Variants in GCM1 observed in about 807,000 individuals in gnomAD.
GCM1 encodes GCM transcription factor 1.
GCM1 carries 2 observed loss-of-function variants against 25.7 expected under a neutral mutation model. The observed-to-expected ratio is 0.08, with a 90% CI of 0.03 to 0.24. The LOEUF (loss-of-function observed/expected upper bound fraction) is 0.24, where lower values mean the gene tolerates loss of function less well. Among genes scored for constraint, GCM1 ranks in the 10% least tolerant of loss-of-function variants. The probability of loss-of-function intolerance (pLI) is 1.00; values close to 1 mark genes in which losing one functional copy is unlikely to be tolerated. For synonymous variants in GCM1, 183 were observed against 195.7 expected (o/e 0.94, Z 0.54); for missense variants, 395 against 538.7 (o/e 0.73, Z 2.64).
At chr6:53,136,830 G>T (rs913595968) in intron 2 of GCM1, among the ~76,000 whole-genome samples, 3 of 152,096 alleles carry the variant, frequency 2.0e-5, no homozygotes, top group Non-Finnish European at 2.9e-5. Context: ...CAAAAAATTA[G>T]CCAGGTGTGG....
Position 53,128,490 on chromosome 6 carries a change from A to T in GCM1, c.1027T>A (p.Leu343Met). Residue 343 changes from leucine to methionine, a missense_variant, in exon 6 of 6, where the codon TTG becomes ATG. Coordinates refer to ENST00000259803, the MANE Select transcript of GCM1 (RefSeq NM_003643.4). ...CCAGTTTTGGCTGCAGGTGGCTCCA[A>T]TGGAAGCTGCTGGTAAAAGGGTTCT... is the stretch of plus-strand genomic sequence containing the variant. ...SSEPFYQQLP[L>M]EPPAAKTGCP... 1 of 1,614,180 alleles carries T rather than the reference A, an allele frequency of 6.2e-7. No individual in the cohort carries two copies. Among genetic ancestry groups the T allele is most frequent in the Non-Finnish European group, 8.5e-7 (1 of 1,179,998 alleles).
rs529895409 is a variant in GCM1 at position 53,130,310 on chromosome 6, A to G, written c.570+493T>C. Among the ~76,000 whole-genome samples, 10 of 152,270 alleles carry G rather than the reference A, an allele frequency of 6.6e-5. No homozygotes were observed. The East Asian group carries it at 1.5e-3, about 23-fold the overall frequency. On this transcript the variant is annotated intron_variant, in intron 5 of 5. Transcript: ENST00000259803. ...GTGGACTTCACATCACAGTTTGTCT[A>G]TAGGGAGTAGCCTCCACTCCACTAT... is the stretch of plus-strand genomic sequence containing the variant.
intron 5 of GCM1, among the ~76,000 whole-genome samples, chr6:53,129,325 A>G (rs1461825876): frequency 1.4e-5 from 2 of 147,598 alleles, no homozygotes; most frequent in Admixed American, 6.9e-5. Context: ...GCCAGGCTGG[A>G]GCGCAGTGGC....
In GCM1 at chr6:53,128,481, G is replaced by T. The variant is rs1763677058; in HGVS notation, c.1036C>A (p.Pro346Thr). 1.9e-6 allele frequency: 3 copies of T among 1,614,036 alleles called. No homozygotes were observed. The highest frequency in any genetic ancestry group is 1.1e-5 in the South Asian group (1 of 91,082). Reference sequence around the variant, plus strand: ...GGGGGACAGCCAGTTTTGGCTGCAGGTGGCTCCAATGGAAGCTGCTGGTAA... The same window carrying T: ...GGGGGACAGCCAGTTTTGGCTGCAGTTGGCTCCAATGGAAGCTGCTGGTAA... The part of the protein sequence containing the change: ...PFYQQLPLEP[P>T]AAKTGCPPLW... Residue 346 changes from proline to threonine, a missense_variant, in exon 6 of 6, where the codon CCT becomes ACT. Pro to Thr is a conservative substitution (Grantham distance 38). Coordinates refer to ENST00000259803, the MANE Select transcript of GCM1 (RefSeq NM_003643.4).
intron 2 of GCM1, among the ~76,000 whole-genome samples, chr6:53,138,278 C>CAAAA (rs566559211): frequency 5.6e-5 from 5 of 89,210 alleles, no homozygotes; most frequent in East Asian, 3.2e-4. Context: ...TGCTTTGTCT[C>CAAAA]AAAAAAAAAA....
At chr6:53,132,679 G>T (rs1205912338) in intron 3 of GCM1, among the ~76,000 whole-genome samples, 1 of 152,186 alleles carries the variant, frequency 6.6e-6, no homozygotes, top group East Asian at 1.9e-4. Context: ...ACCAATGCAT[G>T]CCAGCTTGGG....
At chr6:53,129,130 A>C (rs187534433) in intron 5 of GCM1, among the ~76,000 whole-genome samples, 184 bp from the exon 6 acceptor site, 3 of 152,364 alleles carry the variant, frequency 2.0e-5, no homozygotes, top group East Asian at 3.9e-4. Flanking sequence ...ACTTGAAAAA[A>C]GCAAAGGCTG....
chr6:53,128,688 C>T lies in GCM1; in HGVS notation c.829G>A (p.Gly277Arg), dbSNP rs945600001. ...KLSSSRTYSSGDLLPPSASGV... is the reference protein window; with the variant it reads ...KLSSSRTYSSRDLLPPSASGV... ...GAGGCAGAAGGAGGAAGCAGGTCTC[C>T]ACTACTGTAGGTTCTGCTACTGGAC... The change falls in exon 6 of 6, where the codon GGA becomes AGA. Residue 277 changes from glycine (G) to arginine (R), a missense_variant. This residue lies in a region of GCM1 where 291 missense variants were observed against 314.6 expected (regional missense o/e 0.92). Transcript: ENST00000259803. 1 of 1,614,034 alleles carries T rather than the reference C, an allele frequency of 6.2e-7. No individual in the cohort carries two copies. The highest frequency in any genetic ancestry group is 8.5e-7 in the Non-Finnish European group (1 of 1,179,898).
chr6:53,132,433 A>G (rs1261277835), intron 3 of GCM1, among the ~76,000 whole-genome samples: 1 of 152,212 alleles, frequency 6.6e-6, no homozygotes, highest in Non-Finnish European at 1.5e-5. Context: ...AATTCTGACC[A>G]GGCACAGTGG....
intron 5 of GCM1, among the ~76,000 whole-genome samples, chr6:53,129,725 A>C (rs1763698599): frequency 6.6e-6 from 1 of 152,264 alleles, no homozygotes; most frequent in African/African-American, 2.4e-5. Flanking sequence ...TGCTGGTTGG[A>C]GTGTGAGAGA....
intron 1 of GCM1, among the ~76,000 whole-genome samples, chr6:53,147,276 T>C (rs938593765): frequency 2.6e-5 from 4 of 152,152 alleles, no homozygotes; most frequent in African/African-American, 4.8e-5. Context: ...CATGTTCACA[T>C]GTATAACATT....
chr6:53,129,950 A>G (rs1016676707), intron 5 of GCM1, among the ~76,000 whole-genome samples: 10 of 152,322 alleles, frequency 6.6e-5, no homozygotes, highest in Middle Eastern at 6.8e-3. Context: ...TAAAACTACT[A>G]GCTGTTAAGG....
chr6:53,143,087 G>A (rs946932438), intron 2 of GCM1, among the ~76,000 whole-genome samples: 1 of 152,092 alleles, frequency 6.6e-6, no homozygotes, highest in Admixed American at 6.6e-5. Flanking sequence ...AAACCCAGAC[G>A]AGGATGGTAT....
At chr6:53,146,771 G>A (rs1763963729) in intron 1 of GCM1, among the ~76,000 whole-genome samples, 1 of 152,150 alleles carries the variant, frequency 6.6e-6, no homozygotes, top group East Asian at 1.9e-4. Context: ...GGTGCTAGCA[G>A]CCTGTAATCC....
chr6:53,133,331 ATGTG>A (rs5876306), intron 3 of GCM1, among the ~76,000 whole-genome samples: 356 of 145,194 alleles, frequency 2.5e-3, no homozygotes, highest in East Asian at 8.5e-3. Flanking sequence ...CACCCGGCAA[ATGTG>A]TGTGTGTGTG....
At chr6:53,139,775 C>T (rs1307373396) in intron 2 of GCM1, among the ~76,000 whole-genome samples, 2 of 152,008 alleles carry the variant, frequency 1.3e-5, no homozygotes, top group Non-Finnish European at 2.9e-5. Flanking sequence ...ACAGGAGAAT[C>T]GCTTGAACCC....
chr6:53,135,015 C>T (rs1298635800), intron 2 of GCM1, among the ~76,000 whole-genome samples: 2 of 152,190 alleles, frequency 1.3e-5, no homozygotes, highest in Admixed American at 6.5e-5. Flanking sequence ...CCTACGTTCA[C>T]GTGCCTCAAA....
chr6:53,145,377 T>A (rs1190702164), intron 2 of GCM1, among the ~76,000 whole-genome samples, 181 bp downstream of exon 2: 1 of 152,188 alleles, frequency 6.6e-6, no homozygotes, highest in Non-Finnish European at 1.5e-5. Context: ...AAAGACACAC[T>A]CAAATCATAG....
At position 53,129,202 on chromosome 6, in the gene GCM1, A is replaced by G. The variant is rs147482879; in HGVS notation, c.571-256T>C. Among the ~76,000 whole-genome samples the G allele has an allele frequency of 7.5e-4, 114 of 152,314 alleles. 1 individual carries two copies. The highest frequency in any genetic ancestry group is 2.5e-3 in the African/African-American group (105 of 41,572). ...AGCCAAATTTCCCTACATTCAGTAGAGACATGAGTGTGTTTAAGATGTTTC... is the reference window on the plus strand; with the variant it reads ...AGCCAAATTTCCCTACATTCAGTAGGGACATGAGTGTGTTTAAGATGTTTC... On this transcript the variant is annotated intron_variant, in intron 5 of 5. Coordinates refer to ENST00000259803, the MANE Select transcript of GCM1 (RefSeq NM_003643.4).
Sources: allele counts gnomAD v4.1 joint callset (sites outside exome capture counted in the v4.1 genomes callset), GRCh38; gene constraint gnomAD v4.1.1; regional missense constraint gnomAD v4.1.1; transcripts MANE v1.5; gene names NCBI Gene and HGNC (gene_info 2026-07-23, HGNC 2026-07-21).